The following CMSS1 variants were observed in gnomAD, a reference collection of about 807,000 sequenced individuals.
CMSS1 encodes protein CMSS1.
In CMSS1, 33 loss-of-function variants were observed where a neutral mutation model predicts 43.5. The observed-to-expected ratio is 0.76, with a 90% CI of 0.57 to 1.01. The LOEUF (loss-of-function observed/expected upper bound fraction) is 1.01, where lower values mean the gene tolerates loss of function less well. CMSS1 is among the 50% of genes least tolerant of loss of function. The probability of loss-of-function intolerance (pLI) is 0.00; values close to 1 mark genes in which losing one functional copy is unlikely to be tolerated. For missense variants in CMSS1, 313 were observed against 326.4 expected, an observed-to-expected ratio of 0.96 and a Z score of 0.32; for synonymous variants, 115 against 117.2, an observed-to-expected ratio of 0.98 and a Z score of 0.12.
At chr3:100,167,207 T>C (rs1165127995) in intron 5 of CMSS1, among the ~76,000 whole-genome samples, 1 of 152,220 alleles carries the variant, frequency 6.6e-6, no homozygotes, top group African/African-American at 2.4e-5. Flanking sequence ...TTCATAAACC[T>C]TTCTCAGCTT....
At chr3:99,820,462 G>T (rs1942414402) in intron 1 of CMSS1, among the ~76,000 whole-genome samples, 1 of 152,234 alleles carries the variant, frequency 6.6e-6, no homozygotes, top group Admixed American at 6.5e-5. Context: ...CTCCCAAAGT[G>T]CTGGGATTAC....
chr3:100,043,510 T>C (rs2065237604), intron 1 of CMSS1, among the ~76,000 whole-genome samples: 2 of 152,172 alleles, frequency 1.3e-5, no homozygotes. Flanking sequence ...TTATGTCTCA[T>C]TTGCTGTGGG....
At chr3:99,879,721 AACTTTG>A (rs1315167375) in intron 1 of CMSS1, among the ~76,000 whole-genome samples, 1 of 152,222 alleles carries the variant, frequency 6.6e-6, no homozygotes, top group African/African-American at 2.4e-5. Context: ...TGGTAATGCT[AACTTTG>A]TATATGACAT....
chr3:99,872,982 G>C (rs1294650174), intron 1 of CMSS1, among the ~76,000 whole-genome samples: 1 of 151,958 alleles, frequency 6.6e-6, no homozygotes, highest in African/African-American at 2.4e-5. Context: ...TAATCTGCTA[G>C]GAATTAGTGT....
chr3:99,974,930 G>A (rs763309616), intron 1 of CMSS1, among the ~76,000 whole-genome samples: 6 of 152,144 alleles, frequency 3.9e-5, no homozygotes, highest in Admixed American at 6.5e-5. Context: ...AAACCTGGGC[G>A]TGTTATTTGA....
intron 1 of CMSS1, among the ~76,000 whole-genome samples, chr3:99,890,491 A>G (rs1464535307): frequency 6.6e-6 from 1 of 152,124 alleles, no homozygotes; most frequent in Non-Finnish European, 1.5e-5. Context: ...CCTAGATTAG[A>G]CACATGTTAG....
chr3:99,931,169 A>G, intron 1 of CMSS1: 1 of 676,890 alleles, frequency 1.5e-6, no homozygotes, highest in East Asian at 2.7e-5. Flanking sequence ...TCTACAGCAG[A>G]GAAGGATATT....
At chr3:99,818,592 C>T (rs950925025) in intron 1 of CMSS1, among the ~76,000 whole-genome samples, 1 of 152,122 alleles carries the variant, frequency 6.6e-6, no homozygotes, top group African/African-American at 2.4e-5. Context: ...ATATAAGTTA[C>T]TGTATTTCTT....
intron 1 of CMSS1, among the ~76,000 whole-genome samples, chr3:99,986,627 T>G (rs1377721613): frequency 3.9e-5 from 6 of 151,996 alleles, no homozygotes; most frequent in Non-Finnish European, 4.4e-5. Context: ...GAGAAGAAAT[T>G]GAAGAAATTG....
intron 1 of CMSS1, among the ~76,000 whole-genome samples, chr3:100,098,075 C>T (rs1476659964): frequency 4.6e-5 from 7 of 152,142 alleles, no homozygotes; most frequent in Admixed American, 2.0e-4. Context: ...GATCATAGGT[C>T]AGGGACTACT....
intron 1 of CMSS1, among the ~76,000 whole-genome samples, chr3:99,973,778 T>C (rs1708890749): frequency 6.6e-6 from 1 of 152,246 alleles, no homozygotes; most frequent in African/African-American, 2.4e-5. Context: ...AAGGCAGAGA[T>C]TGGGATGCAG....
At chr3:100,078,748 G>A (rs533166059) in intron 1 of CMSS1, among the ~76,000 whole-genome samples, 1 of 152,122 alleles carries the variant, frequency 6.6e-6, no homozygotes, top group South Asian at 2.1e-4. Context: ...AAAATTAGCC[G>A]AGCATCATGG....
intron 1 of CMSS1, among the ~76,000 whole-genome samples, chr3:99,969,618 C>T (rs936281779): frequency 1.3e-5 from 2 of 152,020 alleles, no homozygotes; most frequent in African/African-American, 4.8e-5. Context: ...TATGGTTTTC[C>T]AGAGATTGGA....
chr3:100,124,632 A>G (rs1229217917), intron 1 of CMSS1, among the ~76,000 whole-genome samples: 2 of 152,066 alleles, frequency 1.3e-5, no homozygotes, highest in Non-Finnish European at 2.9e-5. Context: ...ACCACCCAGC[A>G]CCAATAGCCT....
intron 1 of CMSS1, among the ~76,000 whole-genome samples, chr3:100,005,080 G>A (rs987622113): frequency 6.6e-6 from 1 of 152,180 alleles, no homozygotes; most frequent in Non-Finnish European, 1.5e-5. Flanking sequence ...GCCAGTAAAG[G>A]TTCAACTCTT....
At chr3:100,095,841 G>T (rs2066196982) in intron 1 of CMSS1, among the ~76,000 whole-genome samples, 1 of 152,028 alleles carries the variant, frequency 6.6e-6, no homozygotes, top group Non-Finnish European at 1.5e-5. Context: ...GAAACCCACA[G>T]AACGGGAGAA....
chr3:100,092,365 A>G (rs2066125056), intron 1 of CMSS1, among the ~76,000 whole-genome samples: 1 of 152,110 alleles, frequency 6.6e-6, no homozygotes, highest in Admixed American at 6.5e-5. Context: ...GTTTACCCCA[A>G]AGACAATGGT....
At chr3:99,894,288 G>A (rs1340775196) in intron 1 of CMSS1, among the ~76,000 whole-genome samples, 1 of 152,222 alleles carries the variant, frequency 6.6e-6, no homozygotes, top group African/African-American at 2.4e-5. Context: ...TGTAAGAGAA[G>A]GTGGCACTTA....
intron 1 of CMSS1, among the ~76,000 whole-genome samples, chr3:99,957,693 C>CTTTTTTTTTTTTTTTT (rs779350496): frequency 0.017 from 347 of 19,868 alleles, 66 homozygotes; most frequent in Non-Finnish European, 0.025. Context: ...TTCTTTCTTT[C>CTTTTTTTTTTTTTTTT]TTTTTTTTTT....
Sources: gnomAD v4.1 joint callset for allele counts (sites outside exome capture counted in the v4.1 genomes callset) on GRCh38, gnomAD v4.1.1 for gene constraint, MANE v1.5 for transcripts, NCBI Gene and HGNC (gene_info 2026-07-23, HGNC 2026-07-21) for gene names.